ASH1L: variants seen among roughly 807,000 people sequenced by gnomAD.
ASH1L encodes ASH1 like histone lysine methyltransferase, also known as histone-lysine N-methyltransferase ASH1L.
A neutral mutation model predicts 269.0 loss-of-function variants in ASH1L; 23 were observed. The ratio of observed to expected loss-of-function variants is 0.09; its 90% confidence interval spans 0.06 to 0.12. The LOEUF is 0.12. Among genes scored for constraint, ASH1L ranks in the 10% least tolerant of loss-of-function variants. ASH1L has a pLI of 1.00. For missense variants in ASH1L, 2,912 were observed against 3,567.8 expected (o/e 0.82, Z 4.68); for synonymous variants, 1,187 against 1,253.5 (o/e 0.95, Z 1.12).
intron 2 of ASH1L, among the ~76,000 whole-genome samples, chr1:155,509,152 G>C (rs1667999821): frequency 6.6e-6 from 1 of 152,128 alleles, no homozygotes; most frequent in South Asian, 2.1e-4. Context: ...TAGGAGGATG[G>C]ATTAGTCCTA....
chr1:155,514,319 T>C (rs1020569013), intron 2 of ASH1L, among the ~76,000 whole-genome samples: 1 of 152,208 alleles, frequency 6.6e-6, no homozygotes, highest in African/African-American at 2.4e-5. Context: ...ACAGTTTATA[T>C]ATACGGATAT....
chr1:155,433,077 A>T, intron 5 of ASH1L: 1 of 1,228,682 alleles, frequency 8.1e-7, no homozygotes, highest in Non-Finnish European at 1.1e-6. Context: ...AAGCTTCAAT[A>T]ATTAAACTGC....
At chr1:155,511,517 A>G (rs1668158736) in intron 2 of ASH1L, among the ~76,000 whole-genome samples, 1 of 152,200 alleles carries the variant, frequency 6.6e-6, no homozygotes, top group Non-Finnish European at 1.5e-5. Flanking sequence ...TGAACAAACC[A>G]AGACTGTTTC....
At chr1:155,391,875 G>A (rs1657955616) in intron 7 of ASH1L, among the ~76,000 whole-genome samples, 1 of 152,088 alleles carries the variant, frequency 6.6e-6, no homozygotes, top group Non-Finnish European at 1.5e-5. Flanking sequence ...AGAATCACTT[G>A]AGCCTAGGAG....
intron 1 of ASH1L, among the ~76,000 whole-genome samples, chr1:155,538,171 C>T (rs1200026506): frequency 1.3e-5 from 2 of 150,986 alleles, no homozygotes; most frequent in African/African-American, 4.9e-5. Context: ...ACTACAGGTG[C>T]GCATCACCAG....
chr1:155,531,409 T>C (rs769293191), intron 1 of ASH1L, among the ~76,000 whole-genome samples: 12 of 151,810 alleles, frequency 7.9e-5, no homozygotes, highest in Non-Finnish European at 1.8e-4. Flanking sequence ...CAGGCTGGAG[T>C]GCAGTGGCGT....
At chr1:155,374,547 T>A (rs1258272032) in intron 10 of ASH1L, among the ~76,000 whole-genome samples, 1 of 152,188 alleles carries the variant, frequency 6.6e-6, no homozygotes. Flanking sequence ...AAGAAGACAG[T>A]GCCTTAACAT....
At chr1:155,547,786 C>T (rs761132322) in intron 1 of ASH1L, among the ~76,000 whole-genome samples, 1 of 151,480 alleles carries the variant, frequency 6.6e-6, no homozygotes, top group Admixed American at 6.6e-5. Context: ...TCCTGGCTAA[C>T]AGGGTGAAAC....
chr1:155,480,814 C>T lies in ASH1L; in HGVS notation c.2056G>A (p.Ala686Thr). The change falls in exon 3 of 28, where the codon GCA (alanine) becomes ACA (threonine). Residue 686 changes from alanine (A) to threonine (T), a missense_variant. Physicochemically the swap from Ala to Thr is moderately conservative, Grantham distance 58. Coordinates refer to ENST00000392403, the MANE Select transcript of ASH1L (RefSeq NM_018489.3). ...FSNKPFLKLGAVSASDKHCQV... is the reference protein window; with the variant it reads ...FSNKPFLKLGTVSASDKHCQV... ...CAGTGTTTGTCTGATGCAGATACTG[C>T]ACCCAGTTTTAAAAAAGGCTTATTA... 6.2e-7 allele frequency: 1 copy of T among 1,613,924 alleles called. No homozygotes were observed. Among genetic ancestry groups the T allele is most frequent in the Non-Finnish European group, 8.5e-7 (1 of 1,179,978 alleles).
chr1:155,352,470 A>G (rs1654018119), intron 17 of ASH1L, among the ~76,000 whole-genome samples: 1 of 151,966 alleles, frequency 6.6e-6, no homozygotes, highest in African/African-American at 2.4e-5. Context: ...AAAAGCCACT[A>G]TAATATCAAA....
At chr1:155,339,964 T>C (rs1311854584) in intron 25 of ASH1L, among the ~76,000 whole-genome samples, 1 of 152,160 alleles carries the variant, frequency 6.6e-6, no homozygotes, top group Non-Finnish European at 1.5e-5. Context: ...CACCGTTGTA[T>C]ATGCAGTCCA....
chr1:155,457,784 GA>G (rs1663973622), intron 4 of ASH1L, among the ~76,000 whole-genome samples: 1 of 152,138 alleles, frequency 6.6e-6, no homozygotes, highest in Non-Finnish European at 1.5e-5. Flanking sequence ...CATTGCAAAA[GA>G]AACATTATGA....
intron 7 of ASH1L, among the ~76,000 whole-genome samples, chr1:155,394,396 G>C (rs1281581100): frequency 6.6e-6 from 1 of 152,128 alleles, no homozygotes; most frequent in African/African-American, 2.4e-5. Context: ...GTATGATCTG[G>C]GTTAAGTTAA....
rs574026749 is a variant in ASH1L, at chr1:155,543,918, C to T, written c.-100+18235G>A. The stretch of plus-strand genomic sequence containing the variant: ...TGGTGTCACTGCACTCCAGCCTAGG[C>T]GAAAGAACAAGACCTATCTCAAAAA... On this transcript the variant is annotated intron_variant, in intron 1 of 27. Coordinates refer to ENST00000392403, the MANE Select transcript of ASH1L (RefSeq NM_018489.3). Among the ~76,000 whole-genome samples, 6 of 152,016 alleles carry T rather than the reference C, an allele frequency of 3.9e-5. No homozygotes were observed. The East Asian group carries it at 5.8e-4, about 15-fold the overall frequency.
chr1:155,523,889 T>G (rs1669056667), intron 1 of ASH1L, among the ~76,000 whole-genome samples: 1 of 152,090 alleles, frequency 6.6e-6, no homozygotes, highest in Admixed American at 6.5e-5. Flanking sequence ...AATTTAGTAG[T>G]AGTAGGAGCA....
At chr1:155,459,975 C>G (rs1664167671) in intron 3 of ASH1L, 77 bp from the exon 4 acceptor site, 1 of 1,178,320 alleles carries the variant, frequency 8.5e-7, no homozygotes, top group Non-Finnish European at 1.2e-6. Flanking sequence ...TTTGTTAGAA[C>G]TTGTTACAGT....
intron 4 of ASH1L, among the ~76,000 whole-genome samples, chr1:155,446,321 G>A (rs149943568): frequency 1.5e-5 from 2 of 130,728 alleles, no homozygotes; most frequent in Admixed American, 8.2e-5. Context: ...TTTTTTTTGA[G>A]ACAAGGTCTT....
At chr1:155,511,013 TCA>T (rs1406982460) in intron 2 of ASH1L, among the ~76,000 whole-genome samples, 2 of 152,096 alleles carry the variant, frequency 1.3e-5, no homozygotes, top group African/African-American at 4.8e-5. Flanking sequence ...CTTTTGAACC[TCA>T]AATATGAGTC....
chr1:155,488,524 A>T (rs1367376658), intron 2 of ASH1L, among the ~76,000 whole-genome samples: 3 of 147,662 alleles, frequency 2.0e-5, no homozygotes, highest in Non-Finnish European at 4.5e-5. Flanking sequence ...AAAAAAAAAA[A>T]TTAGCAGGGT....
Sources: allele counts gnomAD v4.1 joint callset (sites outside exome capture counted in the v4.1 genomes callset), GRCh38; gene constraint gnomAD v4.1.1; transcripts MANE v1.5; gene names NCBI Gene and HGNC (gene_info 2026-07-23, HGNC 2026-07-21).